ASPSCR1: variants seen among roughly 807,000 people sequenced by gnomAD.
ASPSCR1 encodes the protein tether containing UBX domain for GLUT4.
Under a neutral mutation model 68.9 loss-of-function variants are expected in ASPSCR1, and 55 were observed. That is an observed-to-expected ratio of 0.80 (90% CI 0.64 to 1.00). The LOEUF is 1.00. Ranked by LOEUF, ASPSCR1 falls within the 50% of genes least tolerant of loss-of-function variation. The pLI, the probability that ASPSCR1 is intolerant of heterozygous loss-of-function variation, is 0.00. For synonymous variants in ASPSCR1, 352 were observed against 332.6 expected (o/e 1.06, Z -0.63); for missense variants, 765 against 762.2 (o/e 1.00, Z -0.04).
chr17:81,978,977 T>C (rs2041706884), intron 1 of ASPSCR1, among the ~76,000 whole-genome samples: 1 of 152,028 alleles, frequency 6.6e-6, no homozygotes, highest in African/African-American at 2.4e-5. Context: ...GAGGGGATGG[T>C]GAAGAAGGGA....
intron 2 of ASPSCR1, among the ~76,000 whole-genome samples, chr17:81,979,647 A>G (rs2041730428): frequency 6.6e-6 from 1 of 152,150 alleles, no homozygotes; most frequent in Non-Finnish European, 1.5e-5. Flanking sequence ...GGGTGAGGAC[A>G]TTGACCCATC....
chr17:81,997,274 A>C (rs1026274692), intron 7 of ASPSCR1, among the ~76,000 whole-genome samples: 3 of 152,076 alleles, frequency 2.0e-5, no homozygotes, highest in African/African-American at 4.8e-5. Flanking sequence ...GGTCACATTT[A>C]CATCCACTCA....
intron 4 of ASPSCR1, among the ~76,000 whole-genome samples, chr17:81,991,515 C>G (rs945461644): frequency 6.6e-6 from 1 of 152,204 alleles, no homozygotes; most frequent in Non-Finnish European, 1.5e-5. Context: ...TCTGTGCATG[C>G]TGCTGGGCCA....
Position 82,001,996 on chromosome 17 carries a change from CTTTTTCCTTTTTTTTTTTTTTTT to C in ASPSCR1, c.933+5156_933+5178del, listed in dbSNP as rs1175015727. On this transcript the variant is annotated intron_variant, in intron 7 of 15. Coordinates refer to ENST00000306739, the MANE Select transcript of ASPSCR1 (RefSeq NM_024083.4). ...CTTATTTTTCTTTTCTTTTTTTTTTCTTTTTCCTTTTTTTTTTTTTTTTTTTTTTGAGACACAGTCTCGCTCTC... is the reference window on the plus strand; with the variant it reads ...CTTATTTTTCTTTTCTTTTTTTTTTCTTTTTTGAGACACAGTCTCGCTCTC... Among the ~76,000 whole-genome samples the C allele has an allele frequency of 2.5e-4, 34 of 136,716 alleles. No individual in the cohort carries two copies. In the Admixed American group the frequency reaches 2.6e-3, roughly 10 times the overall value. The allele number at this position is 136,716 out of a possible 152,430, so 89.7% of individuals were successfully genotyped here. A position where few individuals can be genotyped will look rare whatever the true frequency, so the allele number is the denominator to read the frequency against.
In ASPSCR1 at chr17:82,017,315, AGAGGTGAGAGCTGCCAGCCT is replaced by A. The variant is rs1266106017; in HGVS notation, c.1662_*19del. 1.2e-6 allele frequency: 2 copies of A among 1,611,478 alleles called. No homozygotes were observed. The highest frequency in any genetic ancestry group is 2.2e-5 in the East Asian group (1 of 44,886). ...TGATGTGTCTGCACTACAGCCAGCA[AGAGGTGAGAGCTGCCAGCCT>A]GAGGTGCCCACTCCGCCAGCCACAG... On this transcript the variant is annotated stop_lost and 3_prime_UTR_variant, in exon 16 of 16. Coordinates refer to ENST00000306739, the MANE Select transcript of ASPSCR1 (RefSeq NM_024083.4).
intron 7 of ASPSCR1, chr17:82,008,091 G>C (rs1474951259): frequency 6.6e-6 from 1 of 152,332 alleles, no homozygotes; most frequent in African/African-American, 2.4e-5. Flanking sequence ...CGAGGTCTCA[G>C]GTGTGTCCGG....
intron 4 of ASPSCR1, among the ~76,000 whole-genome samples, chr17:81,989,747 C>G (rs909745058): frequency 6.6e-6 from 1 of 152,202 alleles, no homozygotes; most frequent in Non-Finnish European, 1.5e-5. Flanking sequence ...GCCCGACCAG[C>G]GTCTCAAGCA....
intron 2 of ASPSCR1, among the ~76,000 whole-genome samples, chr17:81,982,447 C>G (rs1020637451): frequency 6.6e-6 from 1 of 152,232 alleles, no homozygotes; most frequent in African/African-American, 2.4e-5. Context: ...GAATGCAGCC[C>G]CAGGCGTGAA....
rs1382956634 is a variant in ASPSCR1, at chr17:81,990,820, AGTT to A, written c.375-4000_375-3998del. 1.3e-5 allele frequency among the ~76,000 whole-genome samples: 2 copies of A among 151,874 alleles called. No individual in the cohort carries two copies. The highest frequency in any genetic ancestry group is 2.9e-5 in the Non-Finnish European group (2 of 67,952). On this transcript the variant is annotated intron_variant, in intron 4 of 15. Coordinates refer to ENST00000306739, the MANE Select transcript of ASPSCR1 (RefSeq NM_024083.4). The surrounding 1 kb of genome is among the most constrained non-coding windows in gnomAD (Gnocchi z 4.1). ...TTATGCTAACGGGTTTCCTATGAGG[AGTT>A]TCTCTCCATGGGTTTAGAGCCAGCA... is the stretch of plus-strand genomic sequence containing the variant.
rs1237791709 is a variant in ASPSCR1, at chr17:81,995,668, A to C, written c.433-324A>C. 4 of 519,656 alleles carry C rather than the reference A, an allele frequency of 7.7e-6. No individual in the cohort carries two copies. The Admixed American group carries it at 1.0e-4, about 13-fold the overall frequency. 32.2% of individuals were successfully genotyped at this position (519,656 alleles called of 1,614,324 possible). On this transcript the variant is annotated intron_variant, in intron 5 of 15. Coordinates refer to ENST00000306739, the MANE Select transcript of ASPSCR1 (RefSeq NM_024083.4). ...CGTTCCTGCCTCTCTCGCTCCGGGC[A>C]GTGGGTCCTGGCACCAGGGCTTCCT...
chr17:81,979,450 T>C (rs1567950086), intron 2 of ASPSCR1, among the ~76,000 whole-genome samples: 1 of 152,210 alleles, frequency 6.6e-6, no homozygotes, highest in East Asian at 1.9e-4. Context: ...TTCTCATGGC[T>C]CCAAGCGTTC....
intron 2 of ASPSCR1, among the ~76,000 whole-genome samples, chr17:81,980,151 T>G (rs1411533067): frequency 1.3e-5 from 2 of 152,028 alleles, no homozygotes; most frequent in African/African-American, 4.8e-5. Flanking sequence ...CCCAGCTAAT[T>G]TTTATATTTT....
chr17:82,009,934 G>A (rs1465334037), intron 9 of ASPSCR1: 11 of 235,634 alleles, frequency 4.7e-5, no homozygotes, highest in Non-Finnish European at 6.1e-5. Flanking sequence ...TTTTTGAGAC[G>A]GAGTCTCTCT....
At chr17:81,981,936 G>T (rs2143992705) in intron 2 of ASPSCR1, among the ~76,000 whole-genome samples, 1 of 152,218 alleles carries the variant, frequency 6.6e-6, no homozygotes, top group East Asian at 1.9e-4. Flanking sequence ...AAAGTGCTGG[G>T]ATGATAGGCG....
chr17:81,983,695 C>T lies in ASPSCR1; in HGVS notation c.273+27C>T, dbSNP rs1474294336. On this transcript the variant is annotated intron_variant, in intron 3 of 15. Transcript: ENST00000306739. The surrounding 1 kb of genome is among the most constrained non-coding windows in gnomAD (Gnocchi z 4.4). ...TGGGTCGTGCTCTGGGGGAGGCTGA[C>T]TGTGTGGGGCACAGGATCGTTCAGC... The T allele has an allele frequency of 1.9e-6, 3 of 1,561,262 alleles. No individual in the cohort carries two copies. Among genetic ancestry groups the T allele is most frequent in the Non-Finnish European group, 2.6e-6 (3 of 1,140,774 alleles).
Position 81,996,739 on chromosome 17 carries a change from C to G in ASPSCR1, c.826C>G (p.Pro276Ala), listed in dbSNP as rs1033286860. The G allele has an allele frequency of 3.1e-6, 5 of 1,613,336 alleles. No individual in the cohort carries two copies. Among genetic ancestry groups the G allele is most frequent in the Non-Finnish European group, 4.2e-6 (5 of 1,180,004 alleles). Residue 276 changes from proline (P) to alanine (A), a missense_variant, in exon 7 of 16, where the codon CCT becomes GCT. By Grantham distance (27) the Pro-to-Ala change is conservative. Transcript: ENST00000306739. ...SAKLPKSLSS[P>A]GGPSKPKKSK... Reference sequence around the variant, plus strand: ...TAAGTTGCCGAAGTCCCTCTCCAGCCCTGGAGGCCCCTCCAAGCCAAAGAA... The same window carrying G: ...TAAGTTGCCGAAGTCCCTCTCCAGCGCTGGAGGCCCCTCCAAGCCAAAGAA...
intron 9 of ASPSCR1, among the ~76,000 whole-genome samples, chr17:82,010,266 A>G (rs1198039824): frequency 1.3e-5 from 2 of 150,218 alleles, no homozygotes; most frequent in African/African-American, 2.4e-5. Context: ...GTGGTGGCTC[A>G]CGCCTGTAAT....
intron 12 of ASPSCR1, chr17:82,014,159 G>T (rs2043043548): frequency 6.6e-6 from 1 of 152,156 alleles, no homozygotes; most frequent in South Asian, 2.1e-4. Context: ...GGCAGGGCGT[G>T]ACTGGCACTT....
chr17:82,008,947 G>C, intron 7 of ASPSCR1, 90 bp from the exon 8 acceptor site: 1 of 1,410,864 alleles, frequency 7.1e-7, no homozygotes, highest in Non-Finnish European at 9.2e-7. Flanking sequence ...TCCCAAGTCT[G>C]TGTGACCACC....
Sources: gnomAD v4.1 joint callset for allele counts (sites outside exome capture counted in the v4.1 genomes callset) on GRCh38, gnomAD v4.1.1 for gene constraint, Gnocchi (gnomAD v3.1) non-coding constraint, MANE v1.5 for transcripts, NCBI Gene and HGNC (gene_info 2026-07-23, HGNC 2026-07-21) for gene names.